The following DOCK8 variants were observed in gnomAD, a reference collection of about 807,000 sequenced individuals.
DOCK8 encodes dedicator of cytokinesis 8.
Under a neutral mutation model 245.6 loss-of-function variants are expected in DOCK8, and 141 were observed. That is an observed-to-expected ratio of 0.57 (90% CI 0.50 to 0.66). DOCK8 has a LOEUF of 0.66. DOCK8 is among the 30% of genes least tolerant of loss of function. The probability of loss-of-function intolerance (pLI) is 0.00; values close to 1 mark genes in which losing one functional copy is unlikely to be tolerated. For missense variants in DOCK8, 2,965 were observed against 2,603.4 expected (o/e 1.14, Z -3.02); for synonymous variants, 1,168 against 970.2 (o/e 1.20, Z -3.79).
intron 14 of DOCK8, among the ~76,000 whole-genome samples, chr9:352,048 A>G (rs1391742879): frequency 6.6e-6 from 1 of 152,130 alleles, no homozygotes; most frequent in African/African-American, 2.4e-5. Context: ...GGAAGTGGAG[A>G]ATGCAGCAGC....
chr9:395,007 G>C (rs1375779329), intron 24 of DOCK8, among the ~76,000 whole-genome samples: 1 of 152,216 alleles, frequency 6.6e-6, no homozygotes, highest in Non-Finnish European at 1.5e-5. Context: ...GGGATGGTTA[G>C]CCTGCCCAGA....
chr9:412,512 C>T (rs1360203914), intron 28 of DOCK8, among the ~76,000 whole-genome samples: 2 of 150,940 alleles, frequency 1.3e-5, no homozygotes, highest in African/African-American at 4.9e-5. Context: ...TTATAGAAAA[C>T]CATAAGGAAT....
At chr9:390,942 G>C (rs145874473) in intron 24 of DOCK8, among the ~76,000 whole-genome samples, 67 of 152,226 alleles carry the variant, frequency 4.4e-4, no homozygotes, top group African/African-American at 1.5e-3. Flanking sequence ...AAAACCGATC[G>C]ATGATTTTCA....
chr9:317,719 C>G (rs922789943), intron 7 of DOCK8, among the ~76,000 whole-genome samples: 3 of 152,194 alleles, frequency 2.0e-5, no homozygotes, highest in Admixed American at 1.3e-4. Flanking sequence ...GGGGCACTCA[C>G]TGCTAGCAAC....
intron 4 of DOCK8, among the ~76,000 whole-genome samples, chr9:295,777 G>A (rs1466362369): frequency 6.6e-6 from 1 of 152,182 alleles, no homozygotes; most frequent in Non-Finnish European, 1.5e-5. Flanking sequence ...TAATGGTTTT[G>A]AATCCCACTT....
chr9:313,637 G>A (rs10969646), intron 6 of DOCK8, among the ~76,000 whole-genome samples: 5,457 of 152,266 alleles, frequency 0.036, 139 homozygotes, highest in Admixed American at 0.062. Flanking sequence ...TTGGTCAAAG[G>A]CCACAAAGTC....
chr9:307,328 GGTTTTTTTTGTTTTTTTTTTT>G (rs2049881810), intron 5 of DOCK8, among the ~76,000 whole-genome samples: 5 of 64,548 alleles, frequency 7.7e-5, no homozygotes, highest in Admixed American at 3.7e-4. Context: ...TGTTGTGTGT[GGTTTTTTTTGTTTTTTTTTTT>G]TTTTTTTTTT....
At chr9:243,988 T>C (rs985387174) in intron 1 of DOCK8, among the ~76,000 whole-genome samples, 21 of 151,764 alleles carry the variant, frequency 1.4e-4, no homozygotes, top group African/African-American at 4.6e-4. Context: ...ATCGAGACCA[T>C]CCTGGCTAAC....
intron 7 of DOCK8, among the ~76,000 whole-genome samples, chr9:323,129 C>A: frequency 6.7e-6 from 1 of 148,156 alleles, no homozygotes. Context: ...AATTAATGTG[C>A]AATTACCTAA....
chr9:277,210 A>G (rs545995528), intron 2 of DOCK8: 3 of 154,972 alleles, frequency 1.9e-5, no homozygotes, highest in African/African-American at 7.2e-5. Context: ...CTTGAAGCCA[A>G]GAGTTCGAGG....
intron 25 of DOCK8, 138 bp from the exon 26 acceptor site, chr9:399,008 A>G (rs1586901947): frequency 1.3e-6 from 1 of 743,532 alleles, no homozygotes; most frequent in African/African-American, 1.7e-5. Flanking sequence ...AGGAGACTCA[A>G]CTACTTCGCC....
intron 5 of DOCK8, among the ~76,000 whole-genome samples, chr9:311,494 C>T (rs986455160): frequency 6.6e-6 from 1 of 151,312 alleles, no homozygotes; most frequent in Non-Finnish European, 1.5e-5. Context: ...CTCAAGCAGT[C>T]CTCCCACCTT....
intron 30 of DOCK8, chr9:420,018 G>T: frequency 3.2e-6 from 1 of 313,500 alleles, no homozygotes; most frequent in South Asian, 3.1e-5. Context: ...TGCCCAGCAC[G>T]AAGGAGAAAT....
At chr9:306,601 G>A (rs896851208) in intron 5 of DOCK8, among the ~76,000 whole-genome samples, 5 of 152,182 alleles carry the variant, frequency 3.3e-5, no homozygotes, top group African/African-American at 1.2e-4. Context: ...ACCAGCCTGG[G>A]GCTGGGGTAT....
In DOCK8 at chr9:406,701, C is replaced by G. The variant is rs188393883; in HGVS notation, c.3391-229C>G. On this transcript the variant is annotated intron_variant, in intron 27 of 47. Coordinates refer to ENST00000432829, the MANE Select transcript of DOCK8 (RefSeq NM_203447.4). ...TTCATTTTTCAACAGACCCGGGGTG[C>G]TTTATTTTCATCTTTCCCGCTGGGC... is the stretch of plus-strand genomic sequence containing the variant. 2.4e-4 allele frequency among the ~76,000 whole-genome samples: 37 copies of G among 152,062 alleles called. 1 individual carries two copies. The highest frequency in any genetic ancestry group is 6.8e-3 in the Middle Eastern group (2 of 294).
intron 46 of DOCK8, among the ~76,000 whole-genome samples, chr9:460,821 G>T (rs1478947682): frequency 6.6e-6 from 1 of 152,230 alleles, no homozygotes; most frequent in Non-Finnish European, 1.5e-5. Context: ...AATGTGTTCA[G>T]TGTTAAGAGG....
At chr9:461,024 C>G (rs2057786447) in intron 46 of DOCK8, among the ~76,000 whole-genome samples, 2 of 152,108 alleles carry the variant, frequency 1.3e-5, no homozygotes, top group Admixed American at 1.3e-4. Flanking sequence ...TTTGTAAGTT[C>G]CCTTGGGTAG....
intron 43 of DOCK8, among the ~76,000 whole-genome samples, chr9:444,902 GGTA>G (rs2057203610): frequency 2.0e-5 from 3 of 152,198 alleles, no homozygotes; most frequent in Non-Finnish European, 4.4e-5. Context: ...GCAAGTGCAA[GGTA>G]TCATTAAGGG....
At chr9:387,160 A>G (rs1315766605) in intron 23 of DOCK8, among the ~76,000 whole-genome samples, 2 of 152,172 alleles carry the variant, frequency 1.3e-5, no homozygotes, top group African/African-American at 4.8e-5. Context: ...AAATGTAAAT[A>G]TGGCAGGGCA....
Sources: gnomAD v4.1 joint callset for allele counts (sites outside exome capture counted in the v4.1 genomes callset) on GRCh38, gnomAD v4.1.1 for gene constraint, MANE v1.5 for transcripts, NCBI Gene and HGNC (gene_info 2026-07-23, HGNC 2026-07-21) for gene names.